Variants in SLC25A48 observed in about 807,000 individuals in gnomAD.
SLC25A48 encodes solute carrier family 25 member 48.
SLC25A48 carries 29 observed loss-of-function variants against 32.2 expected under a neutral mutation model. The ratio of observed to expected loss-of-function variants is 0.90; its 90% CI spans 0.67 to 1.23. The LOEUF is 1.23. Ranked by LOEUF, SLC25A48 falls within the 50% of genes most tolerant of loss-of-function variation. The pLI is 0.00. For synonymous variants in SLC25A48, 164 were observed against 172.3 expected, an observed-to-expected ratio of 0.95 and a Z score of 0.38; for missense variants, 399 against 422.7, an observed-to-expected ratio of 0.94 and a Z score of 0.49.
At chr5:135,643,806 C>G (rs1411536315) in intron 3 of SLC25A48, among the ~76,000 whole-genome samples, 4 of 152,214 alleles carry the variant, frequency 2.6e-5, no homozygotes, top group African/African-American at 9.6e-5. Context: ...TAATATGTGG[C>G]AGACATTTTC....
intron 3 of SLC25A48, among the ~76,000 whole-genome samples, chr5:135,710,637 G>C (rs1016153815): frequency 3.3e-5 from 5 of 152,222 alleles, no homozygotes; most frequent in Non-Finnish European, 5.9e-5. Context: ...ATGCATTGCA[G>C]TATTTTCAAA....
At chr5:135,683,056 G>T (rs1277469100) in intron 3 of SLC25A48, among the ~76,000 whole-genome samples, 3 of 152,306 alleles carry the variant, frequency 2.0e-5, no homozygotes, top group Admixed American at 1.3e-4. Flanking sequence ...CCTCTGGAGG[G>T]TGGACCAGAA....
chr5:135,857,783 C>A (rs1458406655), intron 4 of SLC25A48, among the ~76,000 whole-genome samples: 1 of 152,126 alleles, frequency 6.6e-6, no homozygotes, highest in Non-Finnish European at 1.5e-5. Flanking sequence ...GGCTGTGCAC[C>A]TGCCCAGGTA....
chr5:135,846,743 G>A (rs961700285), intron 2 of SLC25A48, among the ~76,000 whole-genome samples: 6 of 152,182 alleles, frequency 3.9e-5, no homozygotes, highest in East Asian at 1.9e-4. Flanking sequence ...ACACAATCCA[G>A]GGCTCCCATT....
At chr5:135,883,119 T>C in intron 7 of SLC25A48, 8 of 985,422 alleles carry the variant, frequency 8.1e-6, no homozygotes, top group Non-Finnish European at 8.4e-6. Context: ...ATGATGTGAA[T>C]TTACTGAAGA....
At chr5:135,650,804 T>TGGAATG (rs1216546298) in intron 3 of SLC25A48, among the ~76,000 whole-genome samples, 1 of 151,958 alleles carries the variant, frequency 6.6e-6, no homozygotes, top group African/African-American at 2.4e-5. Context: ...GTGTGGTGGG[T>TGGAATG]GGAATGGGGG....
intron 3 of SLC25A48, among the ~76,000 whole-genome samples, chr5:135,661,206 G>A (rs1354082287): frequency 6.6e-6 from 1 of 152,236 alleles, no homozygotes; most frequent in East Asian, 1.9e-4. Context: ...CAGAACAGCA[G>A]CTCCTGCAGC....
At chr5:135,691,834 G>A (rs1754149694) in intron 3 of SLC25A48, among the ~76,000 whole-genome samples, 1 of 152,118 alleles carries the variant, frequency 6.6e-6, no homozygotes, top group Non-Finnish European at 1.5e-5. Context: ...CTGAGCATGG[G>A]ACACGGACTC....
rs1711223840 is a variant in SLC25A48 at position 135,797,399 on chromosome 5, T to C, written c.-520-15124T>C. 2.6e-5 allele frequency among the ~76,000 whole-genome samples: 4 copies of C among 151,874 alleles called. No individual in the cohort carries two copies. In the South Asian group the frequency reaches 6.2e-4, roughly 24 times the overall value. On this transcript the variant is annotated intron_variant, in intron 3 of 10. Coordinates refer to the SLC25A48 transcript ENST00000646290. Reference sequence around the variant, plus strand: ...GTGAGGGAGAGAGGATGATAGTAATTCCAGTATTTCAGGGGGTGTACACCC... The same window carrying C: ...GTGAGGGAGAGAGGATGATAGTAATCCCAGTATTTCAGGGGGTGTACACCC...
intron 3 of SLC25A48, among the ~76,000 whole-genome samples, chr5:135,705,427 A>G (rs1411765341): frequency 2.0e-5 from 3 of 152,188 alleles, no homozygotes; most frequent in Non-Finnish European, 4.4e-5. Context: ...TTGTCTCATG[A>G]GTCATTGTGA....
intron 1 of SLC25A48, among the ~76,000 whole-genome samples, chr5:135,626,814 A>G (rs1035817845): frequency 6.6e-6 from 1 of 152,122 alleles, no homozygotes; most frequent in Non-Finnish European, 1.5e-5. Context: ...TCCCCTGGAC[A>G]TATTGCCAAG....
At chr5:135,871,405 T>C (rs1761629570) in intron 4 of SLC25A48, 56 bp from the exon 5 acceptor site, 1 of 1,528,712 alleles carries the variant, frequency 6.5e-7, no homozygotes, top group African/African-American at 1.4e-5. Context: ...TGTCACGGAA[T>C]GTCCAGTCTC....
chr5:135,781,880 G>A (rs1202720820), intron 3 of SLC25A48, among the ~76,000 whole-genome samples: 1 of 113,718 alleles, frequency 8.8e-6, no homozygotes, highest in Non-Finnish European at 2.2e-5. Flanking sequence ...ATTGCAGGGG[G>A]TGTTCACTTC....
At chr5:135,808,443 A>T (rs999814548) in intron 3 of SLC25A48, among the ~76,000 whole-genome samples, 1 of 152,076 alleles carries the variant, frequency 6.6e-6, no homozygotes, top group African/African-American at 2.4e-5. Context: ...ACACAAAAAA[A>T]CTTTTTTTCC....
At chr5:135,680,376 C>T (rs940065309) in intron 3 of SLC25A48, among the ~76,000 whole-genome samples, 1 of 152,158 alleles carries the variant, frequency 6.6e-6, no homozygotes, top group Admixed American at 6.5e-5. Context: ...CTAATTTCCA[C>T]CCCCAAAATC....
At chr5:135,655,527 C>T (rs1286690337) in intron 3 of SLC25A48, among the ~76,000 whole-genome samples, 3 of 152,128 alleles carry the variant, frequency 2.0e-5, no homozygotes, top group Non-Finnish European at 2.9e-5. Context: ...CAGAGTTTGC[C>T]AAGAAAGTCC....
intron 7 of SLC25A48, among the ~76,000 whole-genome samples, chr5:135,887,505 T>A (rs1417306494): frequency 6.6e-6 from 1 of 152,042 alleles, no homozygotes; most frequent in Non-Finnish European, 1.5e-5. Context: ...TATGTGTGTA[T>A]ATACATATCC....
chr5:135,847,968 G>T (rs184289611), intron 2 of SLC25A48, among the ~76,000 whole-genome samples: 5 of 152,200 alleles, frequency 3.3e-5, no homozygotes, highest in Non-Finnish European at 1.5e-5. Context: ...ACCAGTATCC[G>T]TGCCTTAGAG....
chr5:135,857,226 A>G (rs1032302486), intron 4 of SLC25A48, among the ~76,000 whole-genome samples: 7 of 152,208 alleles, frequency 4.6e-5, no homozygotes, highest in Non-Finnish European at 8.8e-5. Flanking sequence ...CCTGTACAGT[A>G]TGCTAGAATG....
Sources: gnomAD v4.1 joint callset for allele counts (sites outside exome capture counted in the v4.1 genomes callset) on GRCh38, gnomAD v4.1.1 for gene constraint, MANE v1.5 for transcripts, NCBI Gene and HGNC (gene_info 2026-07-23, HGNC 2026-07-21) for gene names.